Variants in SOX5 observed in about 807,000 individuals in gnomAD.
SOX5 encodes the protein SRY-box transcription factor 5.
SOX5 carries 9 observed loss-of-function variants against 92.0 expected under a neutral mutation model. The observed-to-expected ratio is 0.10, with a 90% CI of 0.06 to 0.17. The LOEUF is 0.17. Among genes scored for constraint, SOX5 ranks in the 10% least tolerant of loss-of-function variants. The pLI is 1.00. For synonymous variants in SOX5, 344 were observed against 336.3 expected (o/e 1.02, Z -0.25); for missense variants, 642 against 944.5 (o/e 0.68, Z 4.20).
intron 7 of SOX5, among the ~76,000 whole-genome samples, chr12:23,659,703 T>G (rs2082774042): frequency 6.6e-6 from 1 of 152,192 alleles, no homozygotes; most frequent in Non-Finnish European, 1.5e-5. Flanking sequence ...CCAGGCACGG[T>G]GGCTCACACC....
At chr12:23,853,242 T>A (rs2096652505) in intron 2 of SOX5, among the ~76,000 whole-genome samples, 1 of 151,244 alleles carries the variant, frequency 6.6e-6, no homozygotes, top group African/African-American at 2.4e-5. Context: ...ACTATATAGA[T>A]TAGGAAATCT....
chr12:23,868,620 T>C (rs979101895), intron 2 of SOX5, among the ~76,000 whole-genome samples: 25 of 152,140 alleles, frequency 1.6e-4, no homozygotes, highest in Non-Finnish European at 3.1e-4. Flanking sequence ...TGACAATTTA[T>C]GTATTTCACT....
chr12:24,294,576 T>G (rs142132792), intron 2 of SOX5, among the ~76,000 whole-genome samples: 80 of 152,306 alleles, frequency 5.3e-4, no homozygotes, highest in African/African-American at 1.8e-3. Context: ...CTCTCACATG[T>G]GGTACATGGA....
chr12:24,103,026 G>A (rs1037355708), intron 4 of SOX5, among the ~76,000 whole-genome samples: 7 of 152,196 alleles, frequency 4.6e-5, no homozygotes, highest in Non-Finnish European at 8.8e-5. Flanking sequence ...GCTAACATAG[G>A]AACGGTGAGG....
chr12:24,002,175 C>T (rs1951674387), intron 4 of SOX5, among the ~76,000 whole-genome samples: 1 of 151,692 alleles, frequency 6.6e-6, no homozygotes, highest in African/African-American at 2.4e-5. Flanking sequence ...TAACTCAAAG[C>T]AAGAAGAAGG....
At chr12:24,066,614 T>G (rs1940792385) in intron 4 of SOX5, among the ~76,000 whole-genome samples, 1 of 152,138 alleles carries the variant, frequency 6.6e-6, no homozygotes, top group Non-Finnish European at 1.5e-5. Flanking sequence ...AAAGTTTATC[T>G]GAAGAGCAGA....
chr12:24,048,275 T>C (rs771017239), intron 4 of SOX5, among the ~76,000 whole-genome samples: 7 of 152,132 alleles, frequency 4.6e-5, no homozygotes, highest in African/African-American at 7.2e-5. Context: ...CGTGGTGAAG[T>C]TGGGATTCAA....
intron 8 of SOX5, among the ~76,000 whole-genome samples, chr12:23,610,473 T>A (rs2075816300): frequency 6.6e-6 from 1 of 152,158 alleles, no homozygotes; most frequent in Non-Finnish European, 1.5e-5. Flanking sequence ...TCCCTGCTAA[T>A]CAATGCTTTA....
intron 4 of SOX5, among the ~76,000 whole-genome samples, chr12:24,171,378 C>G (rs1291642343): frequency 6.6e-6 from 1 of 151,738 alleles, no homozygotes; most frequent in African/African-American, 2.4e-5. Context: ...CACATGCCAC[C>G]GCACCCGGCT....
At chr12:23,807,761 C>A (rs1210376067) in intron 3 of SOX5, among the ~76,000 whole-genome samples, 1 of 151,764 alleles carries the variant, frequency 6.6e-6, no homozygotes, top group Non-Finnish European at 1.5e-5. Context: ...CCTGCCTCAG[C>A]CTCAGCATCC....
At chr12:24,048,683 T>C (rs1226383264) in intron 4 of SOX5, among the ~76,000 whole-genome samples, 3 of 152,130 alleles carry the variant, frequency 2.0e-5, no homozygotes, top group Non-Finnish European at 4.4e-5. Context: ...GCAAGAAAAA[T>C]ACCTGAACTA....
At chr12:23,665,603 T>G (rs2083665927) in intron 6 of SOX5, 39 bp from the exon 7 acceptor site, 1 of 1,571,892 alleles carries the variant, frequency 6.4e-7, no homozygotes, top group Non-Finnish European at 8.6e-7. Flanking sequence ...AGAAGAAGTT[T>G]CGATGCTCCA....
intron 3 of SOX5, among the ~76,000 whole-genome samples, chr12:23,778,241 T>C (rs1360860329): frequency 6.6e-6 from 1 of 152,202 alleles, no homozygotes; most frequent in African/African-American, 2.4e-5. Context: ...GCAAGAATAG[T>C]TTTCTATTCA....
chr12:23,570,916 A>T (rs1592161502), intron 10 of SOX5, among the ~76,000 whole-genome samples: 1 of 25,710 alleles, frequency 3.9e-5, no homozygotes, highest in African/African-American at 1.9e-4. Context: ...AACTCAAAAA[A>T]AAAAAAAAAA....
At chr12:23,779,899 T>G (rs1047933014) in intron 3 of SOX5, among the ~76,000 whole-genome samples, 1 of 147,916 alleles carries the variant, frequency 6.8e-6, no homozygotes, top group Non-Finnish European at 1.5e-5. Context: ...TGATACAATG[T>G]GTGCTCCAAT....
At chr12:23,640,750 CATA>C in intron 8 of SOX5, 59 bp downstream of exon 8, 1 of 1,197,422 alleles carries the variant, frequency 8.4e-7, no homozygotes, top group Non-Finnish European at 1.2e-6. Context: ...GCTTTAACAC[CATA>C]ATAGCTGTTT....
chr12:24,102,797 G>A (rs1946240278), intron 4 of SOX5, among the ~76,000 whole-genome samples: 1 of 152,192 alleles, frequency 6.6e-6, no homozygotes, highest in South Asian at 2.1e-4. Flanking sequence ...GAAGTACAGG[G>A]CAGTGGCTAC....
At chr12:23,904,363 G>A (rs776285143) in intron 1 of SOX5, among the ~76,000 whole-genome samples, 4 of 151,676 alleles carry the variant, frequency 2.6e-5, no homozygotes, top group Non-Finnish European at 5.9e-5. Flanking sequence ...GTTATTTAGC[G>A]GCATGAACAA....
chr12:23,734,070 A>G (rs1281504496), intron 6 of SOX5, among the ~76,000 whole-genome samples: 3 of 152,204 alleles, frequency 2.0e-5, no homozygotes, highest in African/African-American at 7.2e-5. Flanking sequence ...AGTTGTGGAA[A>G]CAAGACATCA....
Sources: gnomAD v4.1 joint callset for allele counts (sites outside exome capture counted in the v4.1 genomes callset) on GRCh38, gnomAD v4.1.1 for gene constraint, MANE v1.5 for transcripts, NCBI Gene and HGNC (gene_info 2026-07-23, HGNC 2026-07-21) for gene names.